LHFPL6: variants seen among roughly 807,000 people sequenced by gnomAD.
LHFPL6 encodes the protein LHFPL tetraspan subfamily member 6.
Under a neutral mutation model 20.6 loss-of-function variants are expected in LHFPL6, and 9 were observed. The ratio of observed to expected loss-of-function variants is 0.44; its 90% CI spans 0.26 to 0.76. LHFPL6 has a LOEUF of 0.76. LHFPL6 is among the 30% of genes least tolerant of loss of function. The pLI is 0.20. For synonymous variants in LHFPL6, 105 were observed against 98.7 expected, an observed-to-expected ratio of 1.06 and a Z score of -0.38; for missense variants, 218 against 253.5, an observed-to-expected ratio of 0.86 and a Z score of 0.95.
intron 2 of LHFPL6, among the ~76,000 whole-genome samples, chr13:39,586,876 G>A (rs1214798550): frequency 6.6e-6 from 1 of 151,966 alleles, no homozygotes; most frequent in African/African-American, 2.4e-5. Context: ...TCAGCTTGGG[G>A]CCAGGCACGG....
intron 3 of LHFPL6, among the ~76,000 whole-genome samples, chr13:39,357,290 T>A (rs954260204): frequency 6.6e-6 from 1 of 152,154 alleles, no homozygotes; most frequent in Non-Finnish European, 1.5e-5. Context: ...AAGAGTTTTG[T>A]ACCAATTCTA....
At chr13:39,466,065 T>G (rs1210877094) in intron 2 of LHFPL6, among the ~76,000 whole-genome samples, 2 of 152,100 alleles carry the variant, frequency 1.3e-5, no homozygotes, top group Non-Finnish European at 2.9e-5. Context: ...AATGCCAGCC[T>G]TTGGAGTAGA....
intron 2 of LHFPL6, among the ~76,000 whole-genome samples, chr13:39,468,907 G>C (rs535639463): frequency 5.9e-5 from 9 of 151,856 alleles, no homozygotes; most frequent in African/African-American, 2.2e-4. Context: ...CCTGTATCAG[G>C]TTTGAATTGC....
At chr13:39,465,571 T>A (rs12584451) in intron 2 of LHFPL6, among the ~76,000 whole-genome samples, 23,739 of 152,090 alleles carry the variant, frequency 0.16, 3,455 homozygotes, top group East Asian at 0.51. Context: ...ACCCAATTCC[T>A]AGGGGAAGCG....
intron 2 of LHFPL6, among the ~76,000 whole-genome samples, chr13:39,544,410 T>A (rs2875330): frequency 0.79 from 119,534 of 152,148 alleles, 47,341 homozygotes; most frequent in Middle Eastern, 0.88. Context: ...GAACTGAGAA[T>A]ATCTGAAAGT....
chr13:39,462,542 A>G (rs1299200059), intron 2 of LHFPL6, among the ~76,000 whole-genome samples: 1 of 152,204 alleles, frequency 6.6e-6, no homozygotes, highest in Non-Finnish European at 1.5e-5. Context: ...ATAAAGTTAT[A>G]TATCATTCAA....
chr13:39,461,119 T>C (rs1872678414), intron 2 of LHFPL6, among the ~76,000 whole-genome samples: 1 of 152,158 alleles, frequency 6.6e-6, no homozygotes, highest in South Asian at 2.1e-4. Context: ...TTAATTCGCT[T>C]AGGATGATGG....
intron 2 of LHFPL6, among the ~76,000 whole-genome samples, chr13:39,380,327 G>T (rs1442106369): frequency 6.6e-6 from 1 of 152,050 alleles, no homozygotes; most frequent in Non-Finnish European, 1.5e-5. Flanking sequence ...TAACATTTAA[G>T]CCAGGGGGAC....
intron 2 of LHFPL6, among the ~76,000 whole-genome samples, chr13:39,572,431 A>G (rs1465865338): frequency 6.6e-6 from 1 of 152,000 alleles, no homozygotes; most frequent in African/African-American, 2.4e-5. Context: ...TATATGTATA[A>G]AGCCATAATT....
At chr13:39,488,176 C>T (rs979955790) in intron 2 of LHFPL6, among the ~76,000 whole-genome samples, 1 of 152,150 alleles carries the variant, frequency 6.6e-6, no homozygotes, top group African/African-American at 2.4e-5. Context: ...AGTGAGAAGG[C>T]ACCATCTGCA....
At chr13:39,416,736 C>A (rs1385783813) in intron 2 of LHFPL6, among the ~76,000 whole-genome samples, 1 of 152,128 alleles carries the variant, frequency 6.6e-6, no homozygotes, top group Non-Finnish European at 1.5e-5. Flanking sequence ...AGTCATTGTG[C>A]AGTTTTTTAA....
chr13:39,592,483 G>C (rs1872638253), intron 2 of LHFPL6, among the ~76,000 whole-genome samples: 1 of 152,096 alleles, frequency 6.6e-6, no homozygotes, highest in Non-Finnish European at 1.5e-5. Flanking sequence ...ATAATTAATA[G>C]CTTACCAACC....
At chr13:39,411,089 T>G (rs1232034256) in intron 2 of LHFPL6, among the ~76,000 whole-genome samples, 3 of 152,246 alleles carry the variant, frequency 2.0e-5, no homozygotes, top group Non-Finnish European at 2.9e-5. Flanking sequence ...AACACATGTC[T>G]GCACGGGTAG....
rs547682374 is a variant in LHFPL6 at position 39,513,849 on chromosome 13, G to A, written c.385+86983C>T. Among the ~76,000 whole-genome samples, 7 of 152,216 alleles carry A rather than the reference G, an allele frequency of 4.6e-5. No homozygotes were observed. In the East Asian group the frequency reaches 1.4e-3, roughly 29 times the overall value. ...ACATAATGTCTTTCTATTTATTAGT[G>A]TGTATAGTGTGATCCCTACCGTACT... On this transcript the variant is annotated intron_variant, in intron 2 of 3. Transcript: ENST00000379589.
At chr13:39,513,748 C>T (rs1593343911) in intron 2 of LHFPL6, among the ~76,000 whole-genome samples, 2 of 152,048 alleles carry the variant, frequency 1.3e-5, no homozygotes, top group East Asian at 1.9e-4. Flanking sequence ...TTTCATTGTC[C>T]AAGGTTATAT....
chr13:39,458,038 G>C (rs1593320172), intron 2 of LHFPL6, among the ~76,000 whole-genome samples: 1 of 152,128 alleles, frequency 6.6e-6, no homozygotes, highest in African/African-American at 2.4e-5. Flanking sequence ...TTTGGGAAAA[G>C]TGTTATTACC....
intron 2 of LHFPL6, among the ~76,000 whole-genome samples, chr13:39,422,602 A>AAAAAG (rs1555261778): frequency 8.7e-6 from 1 of 114,286 alleles, no homozygotes; most frequent in Non-Finnish European, 1.8e-5. Flanking sequence ...AAAAAAAAAA[A>AAAAAG]AAGAAGAAGA....
intron 3 of LHFPL6, among the ~76,000 whole-genome samples, chr13:39,376,457 T>C (rs545288337): frequency 6.6e-6 from 1 of 152,308 alleles, no homozygotes; most frequent in Non-Finnish European, 1.5e-5. Context: ...CTCTTATTTG[T>C]TTTATCCATG....
At chr13:39,394,379 A>G (rs1028975626) in intron 2 of LHFPL6, among the ~76,000 whole-genome samples, 1 of 152,172 alleles carries the variant, frequency 6.6e-6, no homozygotes, top group African/African-American at 2.4e-5. Context: ...GGGCTTCAAC[A>G]TTTGAACTTG....
Sources: gnomAD v4.1 joint callset for allele counts (sites outside exome capture counted in the v4.1 genomes callset) on GRCh38, gnomAD v4.1.1 for gene constraint, MANE v1.5 for transcripts, NCBI Gene and HGNC (gene_info 2026-07-23, HGNC 2026-07-21) for gene names.